The following WDR64 variants were observed in gnomAD, a reference collection of about 807,000 sequenced individuals.
WDR64 encodes the protein WD repeat domain 64, also known as WD repeat-containing protein 64.
A neutral mutation model predicts 139.3 loss-of-function variants in WDR64; 112 were observed. That is an observed-to-expected ratio of 0.80 (90% confidence interval 0.69 to 0.94). The LOEUF (loss-of-function observed/expected upper bound fraction) is 0.94, where lower values mean the gene tolerates loss of function less well. Among genes scored for constraint, WDR64 ranks in the 40% least tolerant of loss-of-function variants. The probability of loss-of-function intolerance (pLI) is 0.00; values close to 1 mark genes in which losing one functional copy is unlikely to be tolerated. For missense variants in WDR64, 1,206 were observed against 1,293.1 expected (o/e 0.93, Z 1.03); for synonymous variants, 444 against 437.7 (o/e 1.01, Z -0.18).
chr1:241,760,948 G>A (rs951850739), intron 15 of WDR64, among the ~76,000 whole-genome samples: 28 of 151,668 alleles, frequency 1.8e-4, no homozygotes, highest in Admixed American at 1.7e-3. Context: ...ATTTTTGACA[G>A]TGTGTCTTTG....
At chr1:241,801,091 T>C (rs1420008491) in intron 27 of WDR64, 41 bp from the exon 28 acceptor site, 3 of 1,549,548 alleles carry the variant, frequency 1.9e-6, no homozygotes, top group Non-Finnish European at 2.7e-6. Context: ...TGTTTGTCAG[T>C]AGAATGCCAG....
chr1:241,745,639 C>T (rs915450127), intron 13 of WDR64, among the ~76,000 whole-genome samples: 5 of 144,386 alleles, frequency 3.5e-5, no homozygotes, highest in African/African-American at 1.2e-4. Flanking sequence ...TATTTGGAGT[C>T]AGAGTCTCAC....
intron 22 of WDR64, among the ~76,000 whole-genome samples, chr1:241,780,912 T>C (rs187101422): frequency 6.6e-6 from 1 of 152,328 alleles, no homozygotes; most frequent in Non-Finnish European, 1.5e-5. Context: ...ATAATACTTA[T>C]GCTAACAAAT....
intron 1 of WDR64, among the ~76,000 whole-genome samples, chr1:241,658,873 G>A (rs1437328650): frequency 1.3e-5 from 2 of 149,824 alleles, no homozygotes; most frequent in Non-Finnish European, 3.0e-5. Context: ...TTTAGCCAAA[G>A]GACTGATTAT....
intron 18 of WDR64, among the ~76,000 whole-genome samples, 155 bp downstream of exon 18, chr1:241,770,845 CA>C: frequency 6.6e-6 from 1 of 151,826 alleles, no homozygotes; most frequent in East Asian, 1.9e-4. Context: ...CATTGTTTTG[CA>C]AAAAATGCAA....
At chr1:241,777,440 C>CA (rs1658694362) in intron 21 of WDR64, among the ~76,000 whole-genome samples, 1 of 148,058 alleles carries the variant, frequency 6.8e-6, no homozygotes, top group East Asian at 2.0e-4. Context: ...TTAATTAAAA[C>CA]AGAGTCTCGC....
chr1:241,782,059 G>A (rs2148316877), intron 22 of WDR64, among the ~76,000 whole-genome samples: 1 of 152,298 alleles, frequency 6.6e-6, no homozygotes, highest in East Asian at 1.9e-4. Context: ...GGCTGAGGCA[G>A]GCAGATCACG....
chr1:241,663,599 C>G (rs558848119), intron 2 of WDR64, among the ~76,000 whole-genome samples: 3 of 152,294 alleles, frequency 2.0e-5, no homozygotes, highest in South Asian at 2.1e-4. Flanking sequence ...TGTTATGGAC[C>G]CCTGGTAGAC....
At chr1:241,781,068 GT>G (rs1658828499) in intron 22 of WDR64, among the ~76,000 whole-genome samples, 1 of 152,068 alleles carries the variant, frequency 6.6e-6, no homozygotes, top group South Asian at 2.1e-4. Flanking sequence ...TTATGTAATT[GT>G]TTTATCCTAC....
chr1:241,763,671 C>T (rs1410293135), intron 15 of WDR64, among the ~76,000 whole-genome samples: 1 of 152,174 alleles, frequency 6.6e-6, no homozygotes, highest in Non-Finnish European at 1.5e-5. Flanking sequence ...TGCCATTGCA[C>T]TCCAGCCTTG....
intron 14 of WDR64, among the ~76,000 whole-genome samples, chr1:241,754,732 C>T (rs1421849987): frequency 6.6e-6 from 1 of 152,080 alleles, no homozygotes; most frequent in South Asian, 2.1e-4. Context: ...CCCCCCACCC[C>T]CTGACAGGCC....
chr1:241,773,027 T>C, intron 20 of WDR64, 96 bp downstream of exon 20: 1 of 1,344,968 alleles, frequency 7.4e-7, no homozygotes, highest in Non-Finnish European at 9.7e-7. Flanking sequence ...GGCATCCAAT[T>C]ATAATATTTT....
intron 25 of WDR64, among the ~76,000 whole-genome samples, chr1:241,791,697 C>T (rs1034409844): frequency 1.4e-4 from 21 of 151,708 alleles, no homozygotes; most frequent in African/African-American, 3.4e-4. Context: ...GAAAAAACAA[C>T]GAAAGATTAA....
intron 21 of WDR64, among the ~76,000 whole-genome samples, chr1:241,779,238 T>C (rs1413048604): frequency 6.6e-6 from 1 of 152,206 alleles, no homozygotes. Flanking sequence ...ATGTCATTCT[T>C]ATGTTTGTGT....
chr1:241,656,174 G>A lies in WDR64; in HGVS notation c.145+3545G>A, dbSNP rs894004294. ...GAAAGAGTGAGGAGAAGGCAGAAAT[G>A]TCATCTTCACTTTTGTCAGGCTGTT... On this transcript the variant is annotated intron_variant, in intron 1 of 27. Coordinates refer to ENST00000437684, the MANE Select transcript of WDR64 (RefSeq NM_001367482.1). This position sits in a 1 kb window ranked among gnomAD's most constrained non-coding sequence, Gnocchi z 4.3. Among the ~76,000 whole-genome samples the A allele has an allele frequency of 3.3e-5, 5 of 152,124 alleles. No individual in the cohort carries two copies. Among genetic ancestry groups the A allele is most frequent in the African/African-American group, 4.8e-5 (2 of 41,422 alleles).
At chr1:241,776,802 C>T (rs1428971932) in intron 21 of WDR64, among the ~76,000 whole-genome samples, 4 of 152,158 alleles carry the variant, frequency 2.6e-5, no homozygotes, top group Admixed American at 6.5e-5. Flanking sequence ...TTCCCAGCAC[C>T]GACCTCTATT....
chr1:241,669,743 T>C (rs1279761017), intron 2 of WDR64, among the ~76,000 whole-genome samples: 1 of 152,202 alleles, frequency 6.6e-6, no homozygotes, highest in African/African-American at 2.4e-5. Context: ...AATATTAATA[T>C]AATGTTAAGC....
chr1:241,767,244 C>T (rs73124402), intron 16 of WDR64, among the ~76,000 whole-genome samples: 4,764 of 152,200 alleles, frequency 0.031, 291 homozygotes, highest in African/African-American at 0.11. Context: ...TAACAAGGGC[C>T]AATGTTGTAG....
intron 3 of WDR64, 96 bp from the exon 4 acceptor site, chr1:241,674,548 G>A: frequency 1.4e-6 from 1 of 705,486 alleles, no homozygotes. Flanking sequence ...AGCCACTTGT[G>A]CCCTGGCCAT....
Sources: gnomAD v4.1 joint callset for allele counts (sites outside exome capture counted in the v4.1 genomes callset) on GRCh38, gnomAD v4.1.1 for gene constraint, Gnocchi (gnomAD v3.1) non-coding constraint, MANE v1.5 for transcripts, NCBI Gene and HGNC (gene_info 2026-07-23, HGNC 2026-07-21) for gene names.